The following NEK1 variants were observed in gnomAD, a reference collection of about 807,000 sequenced individuals.
NEK1 encodes serine/threonine-protein kinase Nek1.
In NEK1, 137 loss-of-function variants were observed where a neutral mutation model predicts 182.1. The observed-to-expected ratio is 0.75, with a 90% CI of 0.65 to 0.87. The LOEUF (loss-of-function observed/expected upper bound fraction) is 0.87, where lower values mean the gene tolerates loss of function less well. Among genes scored for constraint, NEK1 ranks in the 40% least tolerant of loss-of-function variants. The probability of loss-of-function intolerance (pLI) is 0.00; values close to 1 mark genes in which losing one functional copy is unlikely to be tolerated. For missense variants in NEK1, 1,391 were observed against 1,494.4 expected (o/e 0.93, Z 1.14); for synonymous variants, 513 against 492.2 (o/e 1.04, Z -0.56).
chr4:169,443,299 G>C (rs942562131), intron 27 of NEK1, among the ~76,000 whole-genome samples: 1 of 151,868 alleles, frequency 6.6e-6, no homozygotes, highest in Non-Finnish European at 1.5e-5. Flanking sequence ...TCCAGCCTGG[G>C]TGACAGAGCC....
chr4:169,424,828 T>TA, intron 30 of NEK1, 28 bp from the exon 31 acceptor site: 1 of 1,590,154 alleles, frequency 6.3e-7, no homozygotes, highest in Non-Finnish European at 8.6e-7. Context: ...GATTATGTGG[T>TA]AAGTCTATAC....
intron 23 of NEK1, among the ~76,000 whole-genome samples, chr4:169,496,537 G>C (rs374438276): frequency 6.6e-6 from 1 of 151,090 alleles, no homozygotes; most frequent in Admixed American, 6.6e-5. Context: ...ATTGGCTGTG[G>C]GTTTGTCATA....
At chr4:169,476,268 C>G (rs573531852) in intron 26 of NEK1, among the ~76,000 whole-genome samples, 1 of 152,176 alleles carries the variant, frequency 6.6e-6, no homozygotes, top group Non-Finnish European at 1.5e-5. Context: ...GGGGCTCTTC[C>G]AAGGCTGATT....
intron 23 of NEK1, among the ~76,000 whole-genome samples, chr4:169,491,105 T>A (rs1355996884): frequency 8.6e-6 from 1 of 115,940 alleles, no homozygotes; most frequent in East Asian, 2.9e-4. Flanking sequence ...ATTACGTCAC[T>A]GCACTCCAGC....
chr4:169,535,471 CT>C (rs1281763058), intron 19 of NEK1, among the ~76,000 whole-genome samples: 21 of 151,130 alleles, frequency 1.4e-4, no homozygotes, highest in Admixed American at 1.4e-3. Context: ...AAAAAAAAGA[CT>C]GAACAAAATA....
At chr4:169,548,818 C>G (rs534707100) in intron 18 of NEK1, among the ~76,000 whole-genome samples, 1 of 152,180 alleles carries the variant, frequency 6.6e-6, no homozygotes, top group Non-Finnish European at 1.5e-5. Context: ...CACCCCTCCC[C>G]GCTCCAAGCT....
chr4:169,487,443 T>C (rs950288843), intron 23 of NEK1, among the ~76,000 whole-genome samples: 1 of 152,226 alleles, frequency 6.6e-6, no homozygotes. Context: ...GTTAGTCTGT[T>C]GAGAATAACA....
At chr4:169,543,521 A>C (rs1346566799) in intron 18 of NEK1, among the ~76,000 whole-genome samples, 3 of 152,234 alleles carry the variant, frequency 2.0e-5, no homozygotes, top group Non-Finnish European at 4.4e-5. Flanking sequence ...AATTCTGTGA[A>C]GAAAGTCAAT....
intron 23 of NEK1, among the ~76,000 whole-genome samples, chr4:169,495,814 T>C (rs948028206): frequency 8.5e-5 from 13 of 152,186 alleles, no homozygotes; most frequent in Admixed American, 7.2e-4. Flanking sequence ...AGCCTTGTAG[T>C]ATAGTTTGAA....
chr4:169,534,181 T>C (rs140636536), intron 19 of NEK1, among the ~76,000 whole-genome samples: 3 of 152,284 alleles, frequency 2.0e-5, no homozygotes, highest in African/African-American at 7.2e-5. Flanking sequence ...AAGTAACAGA[T>C]CTACCCTCCC....
At chr4:169,473,283 C>G (rs187733672) in intron 26 of NEK1, among the ~76,000 whole-genome samples, 1 of 149,654 alleles carries the variant, frequency 6.7e-6, no homozygotes, top group Non-Finnish European at 1.5e-5. Context: ...TTACAGAATT[C>G]TAAGTGGGAG....
intron 31 of NEK1, among the ~76,000 whole-genome samples, chr4:169,410,197 T>C (rs959300044): frequency 5.3e-5 from 8 of 151,688 alleles, no homozygotes; most frequent in Non-Finnish European, 2.9e-5. Context: ...TGTACAGTAT[T>C]TTTTTTTTCA....
chr4:169,398,438 G>T (rs982694192), intron 35 of NEK1, among the ~76,000 whole-genome samples: 4 of 152,026 alleles, frequency 2.6e-5, no homozygotes, highest in African/African-American at 9.7e-5. Context: ...TAAAGATCAT[G>T]GGAAAATTGT....
In NEK1 at chr4:169,400,231, G is replaced by A; in HGVS notation, c.3841C>T (p.Gln1281Ter). The stretch of plus-strand genomic sequence containing the variant: ...ACATGTGAGGAAATCTTACCTTCTT[G>A]GTAGGCTCCATCTGCCATGACTAAA... ...LHLVMADGAY[Q>*]EDNDE The change falls in exon 35 of 36, where the codon CAA becomes TAA. Residue 1281 changes from glutamine to a stop codon, truncating the protein, a stop_gained. Transcript: ENST00000507142. LOFTEE classifies it high-confidence loss of function. The A allele has an allele frequency of 6.3e-7, 1 of 1,578,824 alleles. No homozygotes were observed. Among genetic ancestry groups the A allele is most frequent in the Non-Finnish European group, 8.6e-7 (1 of 1,159,838 alleles).
intron 26 of NEK1, 48 bp from the exon 27 acceptor site, chr4:169,463,443 A>G (rs1396912324): frequency 4.2e-6 from 6 of 1,427,096 alleles, no homozygotes; most frequent in African/African-American, 1.4e-5. Context: ...CAGTATAATA[A>G]TACTGCATGG....
At chr4:169,559,934 G>A (rs1171934971) in intron 16 of NEK1, among the ~76,000 whole-genome samples, 2 of 152,094 alleles carry the variant, frequency 1.3e-5, no homozygotes, top group Admixed American at 6.6e-5. Flanking sequence ...GCTTGAACCC[G>A]GGAGGCAGAG....
chr4:169,567,049 C>T (rs1387344926), intron 12 of NEK1, among the ~76,000 whole-genome samples: 1 of 151,036 alleles, frequency 6.6e-6, no homozygotes, highest in Non-Finnish European at 1.5e-5. Flanking sequence ...AAGATTGCAC[C>T]ACTGCACTAT....
chr4:169,608,878 G>T (rs747980522), intron 2 of NEK1, among the ~76,000 whole-genome samples: 7 of 151,958 alleles, frequency 4.6e-5, no homozygotes, highest in Admixed American at 1.3e-4. Context: ...GACCAACATG[G>T]TAAGACCACT....
At chr4:169,583,878 T>C (rs1767089749) in intron 10 of NEK1, among the ~76,000 whole-genome samples, 1 of 152,224 alleles carries the variant, frequency 6.6e-6, no homozygotes. Flanking sequence ...CTCCTGGTAG[T>C]AACAGTAAAA....
Sources: gnomAD v4.1 joint callset for allele counts (sites outside exome capture counted in the v4.1 genomes callset) on GRCh38, gnomAD v4.1.1 for gene constraint, MANE v1.5 for transcripts, NCBI Gene and HGNC (gene_info 2026-07-23, HGNC 2026-07-21) for gene names.